The following ITGA6 variants were observed in gnomAD, a reference collection of about 807,000 sequenced individuals.
ITGA6 encodes the protein integrin alpha-6.
ITGA6 carries 63 observed loss-of-function variants against 133.6 expected under a neutral mutation model. The observed-to-expected ratio is 0.47, with a 90% CI of 0.38 to 0.58. ITGA6 has a LOEUF of 0.58. Ranked by LOEUF, ITGA6 falls within the 20% of genes least tolerant of loss-of-function variation. The probability of loss-of-function intolerance (pLI) is 0.00; values close to 1 mark genes in which losing one functional copy is unlikely to be tolerated. For missense variants in ITGA6, 1,068 were observed against 1,309.4 expected (o/e 0.82, Z 2.85); for synonymous variants, 434 against 482.0 (o/e 0.90, Z 1.30).
In ITGA6 at chr2:172,498,111, T is replaced by G. The variant is rs1222052137; in HGVS notation, c.3114+11T>G. The stretch of plus-strand genomic sequence containing the variant: ...TTTATACTATGGAAGGTAAGTCATA[T>G]CTGGCATTTGAATTTCATAACAAAC... On this transcript the variant is annotated intron_variant, in intron 24 of 25. Coordinates refer to ENST00000684293, the MANE Select transcript of ITGA6 (RefSeq NM_000210.4). 1.2e-6 allele frequency: 2 copies of G among 1,612,584 alleles called. No individual in the cohort carries two copies.
Position 172,475,016 on chromosome 2 carries a change from A to G in ITGA6, c.1074A>G (p.Gln358=). Residue 358 remains glutamine, a synonymous_variant, in exon 7 of 26, where the codon CAA becomes CAG. Coordinates refer to ENST00000684293, the MANE Select transcript of ITGA6 (RefSeq NM_000210.4). ...CAGTGTATGTCTACATGAACCAGCA[A>G]GGCAGATGGAATAATGTGAAGCCAA... is the stretch of plus-strand genomic sequence containing the variant. ...GGAVYVYMNQ[Q]GRWNNVKPIR... is the part of the protein sequence containing the mutation. The G allele has an allele frequency of 6.3e-7, 1 of 1,594,072 alleles. No individual in the cohort carries two copies. The highest frequency in any genetic ancestry group is 2.2e-5 in the East Asian group (1 of 44,820).
chr2:172,476,380 C>T lies in ITGA6; in HGVS notation c.1270-15C>T, dbSNP rs763463985. 15 of 1,303,416 alleles carry T rather than the reference C, an allele frequency of 1.2e-5. No individual in the cohort carries two copies. The highest frequency in any genetic ancestry group is 1.7e-5 in the Non-Finnish European group (15 of 896,828). 80.7% of individuals were successfully genotyped at this position (1,303,416 alleles called of 1,614,324 possible). A position where few individuals can be genotyped will look rare whatever the true frequency, so the allele number is the denominator to read the frequency against. ...TGATAACCTAATGTCCATTCGGATG[C>T]CCTGTGTATTTCAGGTTCTCAAGGG... On this transcript the variant is annotated splice_polypyrimidine_tract_variant and intron_variant, in intron 8 of 25. Transcript: ENST00000684293.
intron 23 of ITGA6, among the ~76,000 whole-genome samples, chr2:172,494,828 T>G (rs1472251988): frequency 6.6e-6 from 1 of 152,236 alleles, no homozygotes; most frequent in Non-Finnish European, 1.5e-5. Context: ...TGTCCCCATT[T>G]ATCCCTAAGG....
chr2:172,436,394 A>G, intron 1 of ITGA6, among the ~76,000 whole-genome samples: 1 of 152,204 alleles, frequency 6.6e-6, no homozygotes, highest in East Asian at 1.9e-4. Context: ...CTATATTTAG[A>G]AAGGGCTGCT....
rs1203832417 is a variant in ITGA6 at position 172,480,010 on chromosome 2, T to G, written c.1508T>G (p.Phe503Cys). The G allele has an allele frequency of 1.2e-5, 19 of 1,594,730 alleles. No homozygotes were observed. Among genetic ancestry groups the G allele is most frequent in the Non-Finnish European group, 1.5e-5 (17 of 1,162,290 alleles). The change falls in exon 11 of 26, where the codon TTT (phenylalanine) becomes TGT (cysteine). Residue 503 changes from phenylalanine to cysteine, a missense_variant. Phe to Cys is a radical substitution (Grantham distance 205). This residue lies in a region of ITGA6 where 609 missense variants were observed against 707.2 expected (regional missense o/e 0.86). Transcript: ENST00000684293. ...TTCAGCCTCCAGGTTAAATCCTGTT[T>G]TGAATATACTGCTAACCCCGCTGGT... is the stretch of plus-strand genomic sequence containing the variant. ...SGICLQVKSCFEYTANPAGYN... is the reference protein window; with the variant it reads ...SGICLQVKSCCEYTANPAGYN...
Position 172,491,180 on chromosome 2 carries a change from G to C in ITGA6, c.2779-41G>C. ...GAGGATGAGGGGAAGGATTTCTTCA[G>C]AACAATGTCTTTTGATGACCATTCT... On this transcript the variant is annotated intron_variant, in intron 21 of 25. Coordinates refer to ENST00000684293, the MANE Select transcript of ITGA6 (RefSeq NM_000210.4). The surrounding 1 kb of genome is among the most constrained non-coding windows in gnomAD (Gnocchi z 4.4). 4.1e-6 allele frequency: 6 copies of C among 1,452,608 alleles called. No homozygotes were observed. Among genetic ancestry groups the C allele is most frequent in the Non-Finnish European group, 9.7e-7 (1 of 1,032,950 alleles). The allele number at this position is 1,452,608 out of a possible 1,614,324, so 90.0% of individuals were successfully genotyped here.
At position 172,501,813 on chromosome 2, in the gene ITGA6, C is replaced by T; in HGVS notation, c.3156C>T (p.Ala1052=). 1 of 1,612,218 alleles carries T rather than the reference C, an allele frequency of 6.2e-7. No homozygotes were observed. The highest frequency in any genetic ancestry group is 1.7e-4 in the Middle Eastern group (1 of 6,060). The stretch of plus-strand genomic sequence containing the variant: ...GAAATAAGAAAGATCATTATGATGC[C>T]ACATATCACAAGGCTGAGATCCATG... ...FKRNKKDHYD[A]TYHKAEIHAQ... is the part of the protein sequence containing the mutation. Residue 1052 remains alanine, a synonymous_variant, in exon 25 of 26, where the codon GCC becomes GCT. Transcript: ENST00000684293.
In ITGA6 at chr2:172,501,899, T is replaced by C. The variant is rs201192598; in HGVS notation, c.*20T>C. The C allele has an allele frequency of 3.7e-5, 60 of 1,610,852 alleles. No homozygotes were observed. Among genetic ancestry groups the C allele is most frequent in the Admixed American group, 2.5e-4 (15 of 59,986 alleles). On this transcript the variant is annotated splice_region_variant and 3_prime_UTR_variant, in exon 25 of 26. Coordinates refer to ENST00000684293, the MANE Select transcript of ITGA6 (RefSeq NM_000210.4). ...GCATAGTATTGATCTACTTCTGTAA[T>C]TGGTAATTGATCAATGTTTTTTAAT...
At position 172,427,795 on chromosome 2, in the gene ITGA6, G is replaced by A. The variant is rs1454318766; in HGVS notation, c.7G>A (p.Ala3Thr). 6.3e-7 allele frequency: 1 copy of A among 1,593,256 alleles called. No individual in the cohort carries two copies. MA[A>T]AGQLCLLYLS... ...CCTCCCCGTGCGTCCGCCCATGGCC[G>A]CCGCCGGGCAGCTGTGCTTGCTCTA... Residue 3 changes from alanine to threonine, a missense_variant, in exon 1 of 26, where the codon GCC becomes ACC. Physicochemically the swap from Ala to Thr is moderately conservative, Grantham distance 58. Around this residue, in one of 3 missense-constraint regions of ITGA6, gnomAD observed 142 missense variants for 145.3 expected, o/e 0.98. Coordinates refer to ENST00000684293, the MANE Select transcript of ITGA6 (RefSeq NM_000210.4).
chr2:172,443,458 T>C (rs1684624211), intron 1 of ITGA6, among the ~76,000 whole-genome samples: 1 of 152,182 alleles, frequency 6.6e-6, no homozygotes, highest in African/African-American at 2.4e-5. Context: ...CAGAGTGGCC[T>C]GGCCGGCGTT....
intron 1 of ITGA6, among the ~76,000 whole-genome samples, chr2:172,441,558 T>TAAAAAAAAAAAA (rs1559116474): frequency 4.6e-5 from 3 of 64,854 alleles, no homozygotes; most frequent in African/African-American, 1.9e-4. Flanking sequence ...CGCTGTCTCT[T>TAAAAAAAAAAAA]TAAAAAAAAA....
Position 172,487,458 on chromosome 2 carries a change from G to A in ITGA6, c.2160+5G>A, listed in dbSNP as rs1184102270. ...AGAGAACTGAGGGCTTTCCCTGTAA[G>A]TATTGTTAGAGACCAGCTGAGAGGG... On this transcript the variant is annotated splice_donor_5th_base_variant and intron_variant, in intron 15 of 25. Transcript: ENST00000684293. 6.2e-7 allele frequency: 1 copy of A among 1,613,528 alleles called. No individual in the cohort carries two copies. The highest frequency in any genetic ancestry group is 8.5e-7 in the Non-Finnish European group (1 of 1,179,564).
intron 23 of ITGA6, among the ~76,000 whole-genome samples, chr2:172,497,095 A>G (rs1337308017): frequency 6.6e-6 from 1 of 152,230 alleles, no homozygotes; most frequent in Non-Finnish European, 1.5e-5. Flanking sequence ...GGTGTCCATC[A>G]GTCATGCAGC....
At chr2:172,472,670 C>A in intron 5 of ITGA6, 1 of 715,072 alleles carries the variant, frequency 1.4e-6, no homozygotes, top group Non-Finnish European at 2.5e-6. Context: ...TTGCCGGATG[C>A]AGTGGTGGCC....
Position 172,504,272 on chromosome 2 carries a change from A to C in ITGA6, c.*204A>C. 1.3e-6 allele frequency: 2 copies of C among 1,504,696 alleles called. No homozygotes were observed. The highest frequency in any genetic ancestry group is 1.8e-6 in the Non-Finnish European group (2 of 1,122,664). 93.2% of individuals were successfully genotyped at this position (1,504,696 alleles called of 1,614,324 possible). On this transcript the variant is annotated 3_prime_UTR_variant, in exon 26 of 26. Transcript: ENST00000684293. ...TCATAGCGGGGGCCTAAAAAAAAAA[A>C]GCTTCACAGTACCCAAACTGCTTTT... is the stretch of plus-strand genomic sequence containing the variant.
chr2:172,435,479 C>T (rs1010721434), intron 1 of ITGA6, among the ~76,000 whole-genome samples: 1 of 152,008 alleles, frequency 6.6e-6, no homozygotes, highest in African/African-American at 2.4e-5. Context: ...GAAATGTTTA[C>T]AATTCTACAA....
chr2:172,427,341 A>C (rs1683878519), upstream of ITGA6: 1 of 997,832 alleles, frequency 1.0e-6, no homozygotes, highest in Non-Finnish European at 1.2e-6. Context: ...GCTCTGTGCT[A>C]CTCGGCAACC....
intron 24 of ITGA6, among the ~76,000 whole-genome samples, chr2:172,499,991 G>A (rs536115114): frequency 1.3e-3 from 202 of 152,158 alleles, no homozygotes; most frequent in Middle Eastern, 6.8e-3. Context: ...TCTAAAATAC[G>A]ACTTATACAA....
intron 1 of ITGA6, among the ~76,000 whole-genome samples, chr2:172,464,986 A>G (rs12620581): frequency 0.19 from 29,358 of 152,076 alleles, 4,175 homozygotes; most frequent in East Asian, 0.76. Context: ...GCTGCAAGTG[A>G]ATAATTCAGT....
Sources: gnomAD v4.1 joint callset for allele counts (sites outside exome capture counted in the v4.1 genomes callset) on GRCh38, gnomAD v4.1.1 for gene constraint, gnomAD v4.1.1 regional missense constraint, Gnocchi (gnomAD v3.1) non-coding constraint, MANE v1.5 for transcripts, NCBI Gene and HGNC (gene_info 2026-07-23, HGNC 2026-07-21) for gene names.